Variants in ABCF1 observed in about 807,000 individuals in gnomAD.
The protein encoded by ABCF1 is ATP-binding cassette sub-family F member 1.
In ABCF1, 73 loss-of-function variants were observed where a neutral mutation model predicts 126.3. The observed-to-expected ratio is 0.58, with a 90% CI of 0.48 to 0.70. The LOEUF is 0.70. Among genes scored for constraint, ABCF1 ranks in the 30% least tolerant of loss-of-function variants. ABCF1 has a pLI of 0.00. For synonymous variants in ABCF1, 345 were observed against 396.4 expected, an observed-to-expected ratio of 0.87 and a Z score of 1.54; for missense variants, 786 against 1,057.5, an observed-to-expected ratio of 0.74 and a Z score of 3.56.
At position 30,591,450 on chromosome 6, in the gene ABCF1, G is replaced by A. The variant is rs1274327353; in HGVS notation, c.*749G>A. 5 of 151,598 alleles carry A rather than the reference G, an allele frequency of 3.3e-5. No homozygotes were observed. The highest frequency in any genetic ancestry group is 1.2e-4 in the African/African-American group (5 of 41,230). The allele number at this position is 151,598 out of a possible 1,614,324, so 9.4% of individuals were successfully genotyped here. On this transcript the variant is annotated 3_prime_UTR_variant, in exon 25 of 25. Transcript: ENST00000326195. ...GTTTGCAGTCTTGCTGACAGTGTTTGCTGTTTAAGGATCATAGGATTCCTT... is the reference window on the plus strand; with the variant it reads ...GTTTGCAGTCTTGCTGACAGTGTTTACTGTTTAAGGATCATAGGATTCCTT...
rs781463212 is a variant in ABCF1 at position 30,589,822 on chromosome 6, A to G, written c.2081A>G (p.Asn694Ser). 6.8e-6 allele frequency: 11 copies of G among 1,614,184 alleles called. No individual in the cohort carries two copies. The highest frequency in any genetic ancestry group is 7.6e-6 in the Non-Finnish European group (9 of 1,180,038). The change falls in exon 22 of 25, where the codon AAC becomes AGC. Residue 694 changes from asparagine (N) to serine (S), a missense_variant. Coordinates refer to ENST00000326195, the MANE Select transcript of ABCF1 (RefSeq NM_001025091.2). Reference protein sequence around the residue: ...KNHRLKIGFFNQQYAEQLRME... With the variant: ...KNHRLKIGFFSQQYAEQLRME... Reference sequence around the variant, plus strand: ...CTCGGGCAGAAAATTGGCTTCTTCAACCAGCAGTATGCAGAGCAGCTGCGC... The same window carrying G: ...CTCGGGCAGAAAATTGGCTTCTTCAGCCAGCAGTATGCAGAGCAGCTGCGC...
intron 1 of ABCF1, among the ~76,000 whole-genome samples, chr6:30,571,947 C>T (rs1040387691): frequency 6.6e-6 from 1 of 152,116 alleles, no homozygotes; most frequent in Non-Finnish European, 1.5e-5. Context: ...ATACACACAC[C>T]TTGGGAGCCT....
chr6:30,574,963 T>C lies in ABCF1; in HGVS notation c.74-2446T>C, dbSNP rs1372007563. On this transcript the variant is annotated intron_variant, in intron 1 of 24. Transcript: ENST00000326195. This position sits in a 1 kb window ranked among gnomAD's most constrained non-coding sequence, Gnocchi z 4.3. ...CGTTAACTCTAGTTTTTTGGAGAAG[T>C]AGATGCACCATAAAACTTTCCTGAA... Among the ~76,000 whole-genome samples the C allele has an allele frequency of 6.6e-6, 1 of 152,106 alleles. No individual in the cohort carries two copies. Among genetic ancestry groups the C allele is most frequent in the African/African-American group, 2.4e-5 (1 of 41,426 alleles).
Position 30,578,095 on chromosome 6 carries a change from C to T in ABCF1, c.236C>T (p.Thr79Ile), listed in dbSNP as rs1042236379. ...QQQQQKKKRD[T>I]RKGRRKKDVD... ...CAGCAGCAAAAAAAAAAGCGAGATA[C>T]CCGAAAAGGCAGGCGGAAGAAGGAT... The change falls in exon 4 of 25, where the codon ACC becomes ATC. Residue 79 changes from threonine to isoleucine, a missense_variant. Thr to Ile is a moderately conservative substitution (Grantham distance 89). Coordinates refer to ENST00000326195, the MANE Select transcript of ABCF1 (RefSeq NM_001025091.2). 30 of 1,613,748 alleles carry T rather than the reference C, an allele frequency of 1.9e-5. No homozygotes were observed. The highest frequency in any genetic ancestry group is 3.3e-5 in the Admixed American group (2 of 59,950).
chr6:30,588,122 C>T (rs1289056418), intron 20 of ABCF1, among the ~76,000 whole-genome samples: 2 of 151,904 alleles, frequency 1.3e-5, no homozygotes, highest in East Asian at 3.9e-4. Context: ...AGGCTGGTCT[C>T]GAACTCCTGA....
At chr6:30,575,290 A>G (rs1455614822) in intron 1 of ABCF1, among the ~76,000 whole-genome samples, 1 of 151,704 alleles carries the variant, frequency 6.6e-6, no homozygotes. Flanking sequence ...AGCTGGTCTC[A>G]ATCTCCTGAC....
In ABCF1 at chr6:30,578,401, G is replaced by A. The variant is rs750640124; in HGVS notation, c.381+16G>A. On this transcript the variant is annotated intron_variant, in intron 5 of 24. Transcript: ENST00000326195. ...GAAAACCAAGGTAAGCCATCTGTGT[G>A]GTAAACGGAGACTCCAAGGATGCAA... 22 of 1,614,090 alleles carry A rather than the reference G, an allele frequency of 1.4e-5. No individual in the cohort carries two copies. Among genetic ancestry groups the A allele is most frequent in the Non-Finnish European group, 1.9e-5 (22 of 1,180,000 alleles).
At chr6:30,575,046 A>G (rs1415504518) in intron 1 of ABCF1, among the ~76,000 whole-genome samples, 1 of 150,854 alleles carries the variant, frequency 6.6e-6, no homozygotes, top group African/African-American at 2.4e-5. Flanking sequence ...AATGTAGTAG[A>G]TGGCGGATAC....
At position 30,586,695 on chromosome 6, in the gene ABCF1, C is replaced by T. The variant is rs1386067244; in HGVS notation, c.2015C>T (p.Thr672Ile). The T allele has an allele frequency of 2.5e-6, 4 of 1,613,840 alleles. No homozygotes were observed. Among genetic ancestry groups the T allele is most frequent in the Non-Finnish European group, 3.4e-6 (4 of 1,180,032 alleles). ...AAGAGTACGCTACTCCTGCTGCTGA[C>T]TGGCAAGCTGACACCGGTGAGTCCT... Reference protein sequence around the residue: ...VGKSTLLLLLTGKLTPTHGEM... With the variant: ...VGKSTLLLLLIGKLTPTHGEM... The change falls in exon 20 of 25, where the codon ACT (threonine) becomes ATT (isoleucine). Residue 672 changes from threonine to isoleucine, a missense_variant. This residue lies in a region of ABCF1 where 288 missense variants were observed against 423.5 expected (regional missense o/e 0.68). Coordinates refer to ENST00000326195, the MANE Select transcript of ABCF1 (RefSeq NM_001025091.2). This position sits in a 1 kb window ranked among gnomAD's most constrained non-coding sequence, Gnocchi z 4.9.
chr6:30,586,967 T>C lies in ABCF1; in HGVS notation c.2031+256T>C, dbSNP rs894154470. ...TTATACAAGAAATATATGTCTTTTA[T>C]AGAACGATTAAAAATTGCATAAACG... is the stretch of plus-strand genomic sequence containing the variant. On this transcript the variant is annotated intron_variant, in intron 20 of 24. Coordinates refer to ENST00000326195, the MANE Select transcript of ABCF1 (RefSeq NM_001025091.2). This position sits in a 1 kb window ranked among gnomAD's most constrained non-coding sequence, Gnocchi z 4.9. 6.6e-6 allele frequency among the ~76,000 whole-genome samples: 1 copy of C among 152,146 alleles called. No homozygotes were observed. The highest frequency in any genetic ancestry group is 1.5e-5 in the Non-Finnish European group (1 of 68,026).
At chr6:30,582,269 G>A in intron 8 of ABCF1, 125 bp from the exon 9 acceptor site, 2 of 617,552 alleles carry the variant, frequency 3.2e-6, no homozygotes, top group East Asian at 2.8e-5. Flanking sequence ...TGTTAGCCAG[G>A]ATGGTCTTGA....
intron 6 of ABCF1, among the ~76,000 whole-genome samples, chr6:30,578,902 A>T (rs1801657148): frequency 6.6e-6 from 1 of 152,114 alleles, no homozygotes. Flanking sequence ...TGGAAGGCTG[A>T]GGCAGGAGAA....
intron 6 of ABCF1, among the ~76,000 whole-genome samples, chr6:30,578,912 A>G (rs149937965): frequency 0.011 from 1,612 of 152,214 alleles, 18 homozygotes; most frequent in Middle Eastern, 0.024. Context: ...AGGCAGGAGA[A>G]TCACTTGAAC....
At position 30,578,397 on chromosome 6, in the gene ABCF1, G is replaced by C. The variant is rs767677693; in HGVS notation, c.381+12G>C. On this transcript the variant is annotated intron_variant, in intron 5 of 24. Transcript: ENST00000326195. ...GGAAGAAAACCAAGGTAAGCCATCT[G>C]TGTGGTAAACGGAGACTCCAAGGAT... 3.7e-6 allele frequency: 6 copies of C among 1,614,018 alleles called. No homozygotes were observed. The African/African-American group carries it at 6.7e-5, about 18-fold the overall frequency.
In ABCF1 at chr6:30,583,532, G is replaced by C; in HGVS notation, c.916-76G>C. 1 of 1,467,770 alleles carries C rather than the reference G, an allele frequency of 6.8e-7. No homozygotes were observed. Among genetic ancestry groups the C allele is most frequent in the South Asian group, 1.2e-5 (1 of 86,520 alleles). The allele number at this position is 1,467,770 out of a possible 1,614,324, so 90.9% of individuals were successfully genotyped here. ...AGAGGCTTCCCTGCAGGGAGAAAGT[G>C]GCCGCTCCTGTCCCAAAGGGAGAAT... is the stretch of plus-strand genomic sequence containing the variant. On this transcript the variant is annotated intron_variant, in intron 10 of 24. Transcript: ENST00000326195. This position sits in a 1 kb window ranked among gnomAD's most constrained non-coding sequence, Gnocchi z 4.1.
At chr6:30,572,694 T>A (rs1314922441) in intron 1 of ABCF1, among the ~76,000 whole-genome samples, 1 of 152,156 alleles carries the variant, frequency 6.6e-6, no homozygotes, top group African/African-American at 2.4e-5. Context: ...AGACACAAGA[T>A]CTGGCTATGT....
In ABCF1 at chr6:30,585,675, C is replaced by T; in HGVS notation, c.1593C>T (p.Gly531=). 1 of 1,613,012 alleles carries T rather than the reference C, an allele frequency of 6.2e-7. No homozygotes were observed. The highest frequency in any genetic ancestry group is 8.5e-7 in the Non-Finnish European group (1 of 1,179,998). ...LDAQRLHYYR[G]NYMTFKKMYQ... ...CCCAGCGGCTCCACTACTATAGGGG[C>T]AATTACAGTAAGTAGGATTGTGTGT... Residue 531 remains glycine (G), a synonymous_variant, in exon 16 of 25, where the codon GGC becomes GGT. Transcript: ENST00000326195.
chr6:30,584,652 A>C lies in ABCF1; in HGVS notation c.1391+86A>C. 3 of 1,488,522 alleles carry C rather than the reference A, an allele frequency of 2.0e-6. No homozygotes were observed. Among genetic ancestry groups the C allele is most frequent in the Non-Finnish European group, 2.7e-6 (3 of 1,119,230 alleles). 92.2% of individuals were successfully genotyped at this position (1,488,522 alleles called of 1,614,324 possible). On this transcript the variant is annotated intron_variant, in intron 14 of 24. Transcript: ENST00000326195. This position sits in a 1 kb window ranked among gnomAD's most constrained non-coding sequence, Gnocchi z 4.6. ...TTTCCCTTCTCATTCTTCCAAGGCC[A>C]ATAGGGAGGCTCAAGGCTTACCTCT...
chr6:30,590,503 C>T (rs1430463638), intron 24 of ABCF1, 32 bp from the exon 25 acceptor site: 11 of 1,595,512 alleles, frequency 6.9e-6, no homozygotes, highest in Non-Finnish European at 9.4e-6. Flanking sequence ...TCCTTTCTTC[C>T]TGCCCTCTGT....
Sources: gnomAD v4.1 joint callset for allele counts (sites outside exome capture counted in the v4.1 genomes callset) on GRCh38, gnomAD v4.1.1 for gene constraint, gnomAD v4.1.1 regional missense constraint, Gnocchi (gnomAD v3.1) non-coding constraint, MANE v1.5 for transcripts, NCBI Gene and HGNC (gene_info 2026-07-23, HGNC 2026-07-21) for gene names.